Variants in SAV1 observed in about 807,000 individuals in gnomAD.
SAV1 encodes the protein protein salvador homolog 1.
SAV1 carries 23 observed loss-of-function variants against 47.3 expected under a neutral mutation model. That is an observed-to-expected ratio of 0.49 (90% CI 0.35 to 0.69). The LOEUF is 0.69. SAV1 is among the 30% of genes least tolerant of loss of function. SAV1 has a pLI of 0.01. For missense variants in SAV1, 448 were observed against 457.4 expected (o/e 0.98, Z 0.19); for synonymous variants, 155 against 159.2 (o/e 0.97, Z 0.20).
intron 2 of SAV1, among the ~76,000 whole-genome samples, chr14:50,657,737 T>G (rs1391946308): frequency 6.6e-6 from 1 of 152,208 alleles, no homozygotes; most frequent in Non-Finnish European, 1.5e-5. Context: ...TCAAAACAGC[T>G]TCTATTTGCA....
At chr14:50,659,114 T>G (rs2140262336) in intron 2 of SAV1, among the ~76,000 whole-genome samples, 1 of 149,900 alleles carries the variant, frequency 6.7e-6, no homozygotes, top group East Asian at 1.9e-4. Flanking sequence ...AGATACCTTA[T>G]TACCTGAGAT....
At chr14:50,637,758 C>G (rs1251929647) in intron 4 of SAV1, 1 of 147,638 alleles carries the variant, frequency 6.8e-6, no homozygotes, top group Non-Finnish European at 1.5e-5. Context: ...AATGCCACTA[C>G]TGATCGGCAC....
At position 50,645,021 on chromosome 14, in the gene SAV1, G is replaced by T. The variant is rs376481627; in HGVS notation, c.536-7C>A. ...GCAGCAACTCTCCCAATACCTACGG[G>T]GAAAGAGAAAATGATAGAGAAGAAA... On this transcript the variant is annotated splice_polypyrimidine_tract_variant and splice_region_variant and intron_variant, in intron 2 of 4. Transcript: ENST00000324679. 1.2e-4 allele frequency: 190 copies of T among 1,598,534 alleles called. No homozygotes were observed. The highest frequency in any genetic ancestry group is 1.5e-4 in the Non-Finnish European group (171 of 1,176,008).
intron 2 of SAV1, among the ~76,000 whole-genome samples, chr14:50,648,731 T>C (rs113672138): frequency 0.022 from 3,394 of 152,028 alleles, 125 homozygotes; most frequent in African/African-American, 0.077. Flanking sequence ...TGAGCCGAGA[T>C]TGCGCCACTG....
Position 50,644,891 on chromosome 14 carries a change from T to C in SAV1, c.659A>G (p.His220Arg), listed in dbSNP as rs374560969. Residue 220 changes from histidine to arginine, a missense_variant, in exon 3 of 5, where the codon CAT (histidine) becomes CGT (arginine). Coordinates refer to ENST00000324679, the MANE Select transcript of SAV1 (RefSeq NM_021818.4). The part of the protein sequence containing the change: ...TMRGRKYYID[H>R]NTNTTHWSHP... ...GCTCCAGTGAGTTGTATTTGTGTTA[T>C]GATCTATATAATATTTTCTCCCTCT... The C allele has an allele frequency of 6.8e-6, 11 of 1,614,052 alleles. No homozygotes were observed. In the African/African-American group the frequency reaches 1.1e-4, roughly 16 times the overall value.
intron 3 of SAV1, among the ~76,000 whole-genome samples, chr14:50,642,596 C>CA (rs2039689803): frequency 6.6e-6 from 1 of 151,168 alleles, no homozygotes; most frequent in African/African-American, 2.4e-5. Flanking sequence ...ACCCATGTAA[C>CA]AAACCTGCAC....
At chr14:50,657,626 G>GA (rs1409336598) in intron 2 of SAV1, among the ~76,000 whole-genome samples, 4 of 152,060 alleles carry the variant, frequency 2.6e-5, no homozygotes, top group Non-Finnish European at 4.4e-5. Flanking sequence ...AAATCAGTGG[G>GA]AAAAAATGGT....
intron 3 of SAV1, among the ~76,000 whole-genome samples, chr14:50,644,257 T>C (rs921703318): frequency 3.9e-5 from 6 of 152,238 alleles, no homozygotes; most frequent in African/African-American, 1.2e-4. Context: ...CTATATTTAT[T>C]AAACAGAAAT....
At chr14:50,646,382 C>T (rs986975013) in intron 2 of SAV1, among the ~76,000 whole-genome samples, 3 of 152,146 alleles carry the variant, frequency 2.0e-5, no homozygotes, top group Admixed American at 6.5e-5. Context: ...AGCGAGACTA[C>T]TGTCATTCCA....
chr14:50,665,609 A>C lies in SAV1; in HGVS notation c.105T>G (p.Pro35=), dbSNP rs759021887. ...TTGTTGGACCATGCCGGATGAATGA[A>C]GGCATAAGATCTACAATAAAACAAA... The part of the protein sequence containing the change: ...ETSPLLRNLM[P]SFIRHGPTIP... Residue 35 remains proline, a synonymous_variant, in exon 2 of 5, where the codon CCT becomes CCG. Transcript: ENST00000324679. 3 of 1,603,044 alleles carry C rather than the reference A, an allele frequency of 1.9e-6. No homozygotes were observed. In the South Asian group the frequency reaches 3.3e-5, roughly 18 times the overall value.
chr14:50,660,169 G>T (rs946359422), intron 2 of SAV1, among the ~76,000 whole-genome samples: 2 of 152,204 alleles, frequency 1.3e-5, no homozygotes, highest in African/African-American at 2.4e-5. Flanking sequence ...CCAAGGAACT[G>T]ACTTGGTCTT....
At chr14:50,652,320 A>G (rs1294355402) in intron 2 of SAV1, among the ~76,000 whole-genome samples, 3 of 152,260 alleles carry the variant, frequency 2.0e-5, no homozygotes, top group African/African-American at 7.2e-5. Context: ...ATGAATTTCT[A>G]TTTCCAGAAA....
At chr14:50,646,595 A>C (rs1461761784) in intron 2 of SAV1, among the ~76,000 whole-genome samples, 1 of 150,886 alleles carries the variant, frequency 6.6e-6, no homozygotes, top group Admixed American at 6.6e-5. Flanking sequence ...CTGAGGCAGG[A>C]GAATTGCTTG....
rs11555207 is a variant in SAV1, at chr14:50,668,209, T to C, written c.-242A>G. On this transcript the variant is annotated 5_prime_UTR_variant, in exon 1 of 5. Coordinates refer to ENST00000324679, the MANE Select transcript of SAV1 (RefSeq NM_021818.4). ...TTCCTTCCCGGAAGTCGGCCCGCTC[T>C]GCGACGCTGCTCGGGGACGCCGTGA... 13,905 of 242,132 alleles carry C rather than the reference T, an allele frequency of 0.057. 578 individuals carry two copies. The highest frequency in any genetic ancestry group is 0.072 in the Non-Finnish European group (9,189 of 127,702). The allele number at this position is 242,132 out of a possible 1,614,324, so 15.0% of individuals were successfully genotyped here. A position where few individuals can be genotyped will look rare whatever the true frequency, so the allele number is the denominator to read the frequency against.
Position 50,668,060 on chromosome 14 carries a change from G to GCCGCCT in SAV1, c.-99_-94dup, listed in dbSNP as rs1399679809. 2.2e-5 allele frequency: 20 copies of GCCGCCT among 897,298 alleles called. No homozygotes were observed. In the East Asian group the frequency reaches 6.6e-4, roughly 30 times the overall value. 55.6% of individuals were successfully genotyped at this position (897,298 alleles called of 1,614,324 possible). ...CTCCGCCGCCACCTCCGCCGGCGCCGCCGCCTCCTTCCCTCCCGAGCCGCC... is the reference window on the plus strand; with the variant it reads ...CTCCGCCGCCACCTCCGCCGGCGCCGCCGCCTCCGCCTCCTTCCCTCCCGAGCCGCC... On this transcript the variant is annotated 5_prime_UTR_variant, in exon 1 of 5. Coordinates refer to ENST00000324679, the MANE Select transcript of SAV1 (RefSeq NM_021818.4).
chr14:50,666,153 T>C (rs2039899994), intron 1 of SAV1, among the ~76,000 whole-genome samples: 1 of 152,184 alleles, frequency 6.6e-6, no homozygotes, highest in Admixed American at 6.5e-5. Context: ...CTTTCTTCTC[T>C]TGGAATTACC....
intron 2 of SAV1, among the ~76,000 whole-genome samples, chr14:50,648,827 C>A (rs764776568): frequency 6.6e-6 from 1 of 152,020 alleles, no homozygotes. Flanking sequence ...CACCCCGAAA[C>A]TCAGTGGCTT....
rs896431683 is a variant in SAV1 at position 50,667,978 on chromosome 14, G to A, written c.-11C>T. On this transcript the variant is annotated 5_prime_UTR_variant, in exon 1 of 5. Coordinates refer to ENST00000324679, the MANE Select transcript of SAV1 (RefSeq NM_021818.4). ...CTTTCGGGACAGCATCCTTCTCGACGAGGCCCGAGGCCGCGCTGAACTGCC... is the reference window on the plus strand; with the variant it reads ...CTTTCGGGACAGCATCCTTCTCGACAAGGCCCGAGGCCGCGCTGAACTGCC... The A allele has an allele frequency of 6.2e-7, 1 of 1,605,202 alleles. No homozygotes were observed. Among genetic ancestry groups the A allele is most frequent in the Non-Finnish European group, 8.5e-7 (1 of 1,176,324 alleles).
Position 50,660,362 on chromosome 14 carries a change from C to T in SAV1, c.535+4817G>A, listed in dbSNP as rs543027369. On this transcript the variant is annotated intron_variant, in intron 2 of 4. Transcript: ENST00000324679. ...ACTCTGAGAAACATTTCCCATCCTC[C>T]TTACTCAGCTGCCTTGCAATAATTA... 9.8e-5 allele frequency among the ~76,000 whole-genome samples: 15 copies of T among 152,344 alleles called. No homozygotes were observed. In the East Asian group the frequency reaches 1.9e-3, roughly 20 times the overall value.
Sources: gnomAD v4.1 joint callset for allele counts (sites outside exome capture counted in the v4.1 genomes callset) on GRCh38, gnomAD v4.1.1 for gene constraint, MANE v1.5 for transcripts, NCBI Gene and HGNC (gene_info 2026-07-23, HGNC 2026-07-21) for gene names.